TTC28: variants seen among roughly 807,000 people sequenced by gnomAD.
The protein encoded by TTC28 is tetratricopeptide repeat domain 28.
A neutral mutation model predicts 198.0 loss-of-function variants in TTC28; 61 were observed. The observed-to-expected ratio is 0.31, with a 90% CI of 0.25 to 0.38. The LOEUF (loss-of-function observed/expected upper bound fraction) is 0.38. Ranked by LOEUF, TTC28 falls within the 10% of genes least tolerant of loss-of-function variation. The pLI is 1.00. For synonymous variants in TTC28, 1,171 were observed against 1,297.8 expected (o/e 0.90, Z 2.10); for missense variants, 2,678 against 3,164.0 (o/e 0.85, Z 3.69).
chr22:28,077,055 T>C (rs1424911151), intron 12 of TTC28, among the ~76,000 whole-genome samples: 5 of 152,254 alleles, frequency 3.3e-5, no homozygotes, highest in Admixed American at 6.5e-5. Flanking sequence ...TTAATTATTA[T>C]AGTTCTATTA....
At chr22:28,075,880 T>C (rs751319190) in intron 12 of TTC28, among the ~76,000 whole-genome samples, 3 of 152,160 alleles carry the variant, frequency 2.0e-5, no homozygotes, top group Non-Finnish European at 4.4e-5. Flanking sequence ...TCTCACGTGG[T>C]AGATTAATAA....
rs79355638 is a variant in TTC28 at position 28,299,775 on chromosome 22, C to A, written c.530-1923G>T. ...ATCTGAGTATTTAAGTGACTTATCC[C>A]AAGTTGGAAAGCTTGGGACATAACC... On this transcript the variant is annotated intron_variant, in intron 3 of 22. Coordinates refer to ENST00000397906, the MANE Select transcript of TTC28 (RefSeq NM_001145418.2). Among the ~76,000 whole-genome samples, 1,296 of 152,196 alleles carry A rather than the reference C, an allele frequency of 8.5e-3. 17 individuals carry two copies. The highest frequency in any genetic ancestry group is 0.03 in the African/African-American group (1,225 of 41,512).
intron 2 of TTC28, among the ~76,000 whole-genome samples, chr22:28,534,806 G>GC (rs1435030436): frequency 7.2e-5 from 11 of 151,952 alleles, no homozygotes; most frequent in Non-Finnish European, 1.5e-4. Context: ...GCAAACTATC[G>GC]CAAGGAAAGA....
chr22:28,514,476 A>T (rs2048744571), intron 2 of TTC28, among the ~76,000 whole-genome samples: 1 of 152,236 alleles, frequency 6.6e-6, no homozygotes, highest in Non-Finnish European at 1.5e-5. Context: ...ATATCAAGAA[A>T]GAACATGCTG....
intron 1 of TTC28, among the ~76,000 whole-genome samples, chr22:28,672,033 CTT>C (rs980137007): frequency 1.4e-5 from 2 of 146,298 alleles, no homozygotes; most frequent in African/African-American, 2.5e-5. Flanking sequence ...AACTAAAACA[CTT>C]TTTTTTTTTG....
chr22:28,508,960 G>A (rs530143650), intron 2 of TTC28, among the ~76,000 whole-genome samples: 9 of 152,094 alleles, frequency 5.9e-5, no homozygotes, highest in South Asian at 2.1e-4. Flanking sequence ...GGGAGGCCAG[G>A]TGGGCAGATC....
intron 2 of TTC28, among the ~76,000 whole-genome samples, chr22:28,404,595 G>A (rs565765025): frequency 6.6e-6 from 1 of 152,156 alleles, no homozygotes; most frequent in East Asian, 1.9e-4. Flanking sequence ...TTAACCTCCA[G>A]TTTCTTCCCT....
chr22:28,498,980 G>A (rs1026520653), intron 2 of TTC28, among the ~76,000 whole-genome samples: 2 of 152,010 alleles, frequency 1.3e-5, no homozygotes, highest in African/African-American at 2.4e-5. Flanking sequence ...GTTTGAAACC[G>A]GTCTGGGCAG....
intron 5 of TTC28, among the ~76,000 whole-genome samples, chr22:28,256,850 G>A (rs993493963): frequency 2.0e-5 from 3 of 152,194 alleles, no homozygotes; most frequent in African/African-American, 7.2e-5. Context: ...ACCAGGCTGG[G>A]CAACAGAGCA....
At chr22:28,054,399 T>C (rs1323192823) in intron 12 of TTC28, among the ~76,000 whole-genome samples, 2 of 152,144 alleles carry the variant, frequency 1.3e-5, no homozygotes, top group African/African-American at 2.4e-5. Context: ...GCAAAACCAA[T>C]ATTTCCAGGC....
intron 2 of TTC28, among the ~76,000 whole-genome samples, chr22:28,576,260 G>A (rs1014885506): frequency 1.1e-4 from 17 of 151,588 alleles, no homozygotes; most frequent in Admixed American, 5.9e-4. Flanking sequence ...TATGGGTTTC[G>A]GCCTTTGTTC....
intron 5 of TTC28, among the ~76,000 whole-genome samples, chr22:28,248,509 C>T (rs1383162031): frequency 2.0e-5 from 3 of 152,180 alleles, no homozygotes; most frequent in Non-Finnish European, 4.4e-5. Flanking sequence ...CACCCTACAT[C>T]ATACACTACC....
At chr22:28,567,863 G>A (rs764095280) in intron 2 of TTC28, among the ~76,000 whole-genome samples, 6 of 151,966 alleles carry the variant, frequency 3.9e-5, no homozygotes, top group South Asian at 2.1e-4. Flanking sequence ...TAAGGGGAAC[G>A]AGCGCTCAAT....
intron 2 of TTC28, among the ~76,000 whole-genome samples, chr22:28,530,817 T>C (rs899792330): frequency 3.9e-5 from 6 of 152,244 alleles, no homozygotes; most frequent in African/African-American, 1.4e-4. Context: ...CTAAGCTTCA[T>C]AAGTGAAGGA....
chr22:28,175,813 G>GA (rs888521205), intron 5 of TTC28, among the ~76,000 whole-genome samples: 4 of 150,636 alleles, frequency 2.7e-5, no homozygotes, highest in African/African-American at 7.3e-5. Context: ...ACCGGTATAA[G>GA]AAAAAAAAAT....
chr22:28,300,837 A>G (rs1052073966), intron 3 of TTC28, among the ~76,000 whole-genome samples: 1 of 152,220 alleles, frequency 6.6e-6, no homozygotes. Context: ...TGAACTGACC[A>G]AAGAATACTT....
At chr22:28,378,962 C>T (rs1264396815) in intron 2 of TTC28, among the ~76,000 whole-genome samples, 1 of 151,944 alleles carries the variant, frequency 6.6e-6, no homozygotes, top group Non-Finnish European at 1.5e-5. Flanking sequence ...TACCAAGACA[C>T]ATCATAATCA....
Position 28,491,573 on chromosome 22 carries a change from T to A in TTC28, c.381+137979A>T, listed in dbSNP as rs542180686. Among the ~76,000 whole-genome samples the A allele has an allele frequency of 4.6e-3, 696 of 152,136 alleles. 5 individuals are homozygous for A. Among genetic ancestry groups the A allele is most frequent in the African/African-American group, 0.016 (652 of 41,482 alleles). ...AACCACAATGAGATACCATCTCACA[T>A]CAGTTAGAATGGCGATCATTAAAAA... On this transcript the variant is annotated intron_variant, in intron 2 of 22. Coordinates refer to ENST00000397906, the MANE Select transcript of TTC28 (RefSeq NM_001145418.2).
chr22:28,222,957 T>G (rs1034885173), intron 5 of TTC28, among the ~76,000 whole-genome samples: 3 of 152,186 alleles, frequency 2.0e-5, no homozygotes, highest in Non-Finnish European at 4.4e-5. Flanking sequence ...CCTAAAACAA[T>G]GAAGGAACTC....
Sources: allele counts gnomAD v4.1 joint callset (sites outside exome capture counted in the v4.1 genomes callset), GRCh38; gene constraint gnomAD v4.1.1; transcripts MANE v1.5; gene names NCBI Gene and HGNC (gene_info 2026-07-23, HGNC 2026-07-21).